Variants in ARSG observed in about 807,000 individuals in gnomAD.
The protein encoded by ARSG is ASG.
In ARSG, 37 loss-of-function variants were observed where a neutral mutation model predicts 50.5. The ratio of observed to expected loss-of-function variants is 0.73; its 90% CI spans 0.56 to 0.96. The LOEUF is 0.96. Ranked by LOEUF, ARSG falls within the 50% of genes least tolerant of loss-of-function variation. The pLI is 0.00. For missense variants in ARSG, 629 were observed against 675.3 expected (o/e 0.93, Z 0.76); for synonymous variants, 225 against 254.6 (o/e 0.88, Z 1.11).
the ARSG span, chr17:68,450,668 T>C: frequency 6.5e-7 from 1 of 1,539,824 alleles, no homozygotes; most frequent in South Asian, 1.3e-5. Context: ...AAGATGTCCA[T>C]CTTTTTGTTT....
At chr17:68,358,422 C>T (rs1428238947) in intron 6 of ARSG, among the ~76,000 whole-genome samples, 1 of 151,980 alleles carries the variant, frequency 6.6e-6, no homozygotes, top group Non-Finnish European at 1.5e-5. Flanking sequence ...GGCGCGGTGG[C>T]TCACGTCTGT....
chr17:68,428,870 A>C, the ARSG span: 1 of 1,614,158 alleles, frequency 6.2e-7, no homozygotes. Context: ...CATCCTGAGG[A>C]TCCAAATTGT....
At position 68,420,205 on chromosome 17, in the gene ARSG, T is replaced by C. The variant is rs2082683677; in HGVS notation, c.1320T>C (p.Cys440=). The change falls in exon 12 of 12, where the codon TGT becomes TGC. Residue 440 remains cysteine, a synonymous_variant. Transcript: ENST00000621439. ...CCTCTCTAGGTGGAGCCAGGGCGTG[T>C]GATGGGAGCACGGGGCCTGAGCTGC... ...AFYITGGARA[C]DGSTGPELQH... The C allele has an allele frequency of 6.2e-7, 1 of 1,613,884 alleles. No individual in the cohort carries two copies. Among genetic ancestry groups the C allele is most frequent in the African/African-American group, 1.3e-5 (1 of 74,868 alleles).
chr17:68,305,630 G>C (rs1165531348), intron 1 of ARSG, among the ~76,000 whole-genome samples: 1 of 152,096 alleles, frequency 6.6e-6, no homozygotes, highest in Non-Finnish European at 1.5e-5. Flanking sequence ...AAAATTTTTT[G>C]AAATTTTTTC....
At chr17:68,338,654 C>T (rs1479066903) in intron 2 of ARSG, among the ~76,000 whole-genome samples, 1 of 152,166 alleles carries the variant, frequency 6.6e-6, no homozygotes, top group Non-Finnish European at 1.5e-5. Context: ...TTAACCTCCC[C>T]CTGCCTCAGT....
intron 1 of ARSG, among the ~76,000 whole-genome samples, chr17:68,294,516 C>T (rs1435326660): frequency 2.0e-5 from 3 of 152,176 alleles, no homozygotes; most frequent in African/African-American, 2.4e-5. Flanking sequence ...AAGAGGGTCC[C>T]GCAAGCCTGC....
intron 2 of ARSG, among the ~76,000 whole-genome samples, chr17:68,333,485 G>A (rs969159691): frequency 2.6e-5 from 4 of 151,894 alleles, no homozygotes; most frequent in Admixed American, 1.3e-4. Context: ...AAAATTAGCC[G>A]AGCATGGTGG....
intron 2 of ARSG, among the ~76,000 whole-genome samples, chr17:68,320,857 T>C (rs1183875170): frequency 1.3e-5 from 2 of 152,186 alleles, no homozygotes; most frequent in East Asian, 1.9e-4. Context: ...TCAGGAGGCT[T>C]ATAGATGCCT....
chr17:68,412,445 G>A (rs1386259763), intron 11 of ARSG, among the ~76,000 whole-genome samples: 2 of 152,062 alleles, frequency 1.3e-5, no homozygotes, highest in Non-Finnish European at 2.9e-5. Context: ...GTTGAATATT[G>A]GCCCCCACTC....
intron 2 of ARSG, among the ~76,000 whole-genome samples, chr17:68,336,001 C>A (rs1320942325): frequency 6.6e-6 from 1 of 152,100 alleles, no homozygotes; most frequent in South Asian, 2.1e-4. Context: ...CAGTTTCAAG[C>A]GATTCTTCTG....
intron 4 of ARSG, 67 bp from the exon 5 acceptor site, chr17:68,351,508 G>A (rs975651108): frequency 1.2e-6 from 1 of 817,030 alleles, no homozygotes; most frequent in Non-Finnish European, 2.2e-6. Flanking sequence ...TTTTGTCGTG[G>A]GTGTACAAAG....
At chr17:68,294,514 C>T (rs1200156791) in intron 1 of ARSG, among the ~76,000 whole-genome samples, 2 of 152,108 alleles carry the variant, frequency 1.3e-5, no homozygotes, top group African/African-American at 4.8e-5. Flanking sequence ...GGAAGAGGGT[C>T]CCGCAAGCCT....
chr17:68,421,059 A>T (rs982077169), downstream of ARSG: 4 of 155,018 alleles, frequency 2.6e-5, no homozygotes, highest in African/African-American at 9.7e-5. Context: ...TAGATCCTGA[A>T]ATCCTACATT....
chr17:68,332,052 C>G (rs1453149463), intron 2 of ARSG, among the ~76,000 whole-genome samples: 1 of 152,172 alleles, frequency 6.6e-6, no homozygotes, highest in Non-Finnish European at 1.5e-5. Context: ...CCGGTCTGAC[C>G]AAAATTTATT....
At chr17:68,339,125 A>G (rs554425980) in intron 2 of ARSG, among the ~76,000 whole-genome samples, 1 of 152,214 alleles carries the variant, frequency 6.6e-6, no homozygotes, top group African/African-American at 2.4e-5. Context: ...TACATAAGAT[A>G]AAATTAGCCA....
chr17:68,381,661 T>C lies in ARSG; in HGVS notation c.983-3403T>C, dbSNP rs945984467. On this transcript the variant is annotated intron_variant, in intron 8 of 11. Coordinates refer to ENST00000621439, the MANE Select transcript of ARSG (RefSeq NM_001267727.2). This position sits in a 1 kb window ranked among gnomAD's most constrained non-coding sequence, Gnocchi z 4.1. ...CGATGACTATTAGCTACATTTAACT[T>C]TGAAACGTGCTGTGTTCTCTTCCCG... Among the ~76,000 whole-genome samples, 17 of 152,174 alleles carry C rather than the reference T, an allele frequency of 1.1e-4. No homozygotes were observed. The highest frequency in any genetic ancestry group is 3.9e-4 in the African/African-American group (16 of 41,430).
chr17:68,446,181 T>C, the ARSG span, among the ~76,000 whole-genome samples: 5 of 151,904 alleles, frequency 3.3e-5, no homozygotes, highest in Non-Finnish European at 7.4e-5. Context: ...TAAACACATT[T>C]CTCAATTTTT....
chr17:68,373,545 C>A (rs1250071107), intron 8 of ARSG, among the ~76,000 whole-genome samples: 2 of 152,124 alleles, frequency 1.3e-5, no homozygotes, highest in African/African-American at 4.8e-5. Context: ...TCAATTTTAA[C>A]CTATTGTCCC....
chr17:68,361,199 G>T (rs184848789), intron 6 of ARSG, among the ~76,000 whole-genome samples: 1 of 152,190 alleles, frequency 6.6e-6, no homozygotes, highest in East Asian at 1.9e-4. Context: ...ACCCTTAATG[G>T]GGTGGTATTA....
Sources: gnomAD v4.1 joint callset for allele counts (sites outside exome capture counted in the v4.1 genomes callset) on GRCh38, gnomAD v4.1.1 for gene constraint, Gnocchi (gnomAD v3.1) non-coding constraint, MANE v1.5 for transcripts, NCBI Gene and HGNC (gene_info 2026-07-23, HGNC 2026-07-21) for gene names.